Variants in RAP1A observed in about 807,000 individuals in gnomAD.
RAP1A encodes ras-related protein Rap-1A.
RAP1A carries 6 observed loss-of-function variants against 26.4 expected under a neutral mutation model. That is an observed-to-expected ratio of 0.23 (90% confidence interval 0.12 to 0.45). The LOEUF (loss-of-function observed/expected upper bound fraction) is 0.45, where lower values mean the gene tolerates loss of function less well. Ranked by LOEUF, RAP1A falls within the 20% of genes least tolerant of loss-of-function variation. RAP1A has a pLI of 0.99. For synonymous variants in RAP1A, 73 were observed against 79.4 expected (o/e 0.92, Z 0.43); for missense variants, 121 against 217.2 (o/e 0.56, Z 2.78).
intron 1 of RAP1A, among the ~76,000 whole-genome samples, chr1:111,688,124 C>G (rs1338622222): frequency 6.8e-6 from 1 of 146,564 alleles, no homozygotes; most frequent in African/African-American, 2.5e-5. Context: ...CTGCCCCCAC[C>G]AGGAGGATAA....
intron 1 of RAP1A, among the ~76,000 whole-genome samples, chr1:111,637,797 A>G (rs1659769900): frequency 6.6e-6 from 1 of 152,106 alleles, no homozygotes; most frequent in Non-Finnish European, 1.5e-5. Context: ...ATTTGCCATC[A>G]TTTGTTTAAA....
At chr1:111,672,911 C>T (rs190435991) in intron 1 of RAP1A, among the ~76,000 whole-genome samples, 445 of 152,220 alleles carry the variant, frequency 2.9e-3, no homozygotes, top group African/African-American at 0.01. Context: ...TCTGATGATT[C>T]CTAACTTTTC....
chr1:111,661,362 A>G (rs572761052), intron 1 of RAP1A, among the ~76,000 whole-genome samples: 1 of 152,286 alleles, frequency 6.6e-6, no homozygotes, highest in East Asian at 1.9e-4. Context: ...ATGAGAGGCT[A>G]TTATAGGGAT....
chr1:111,548,451 G>T (rs1426604477), intron 1 of RAP1A, among the ~76,000 whole-genome samples: 1 of 152,158 alleles, frequency 6.6e-6, no homozygotes, highest in African/African-American at 2.4e-5. Flanking sequence ...GACTCTGCTT[G>T]TTTAAAATTT....
intron 6 of RAP1A, 100 bp from the exon 7 acceptor site, chr1:111,709,049 A>T (rs1420851887): frequency 1.4e-6 from 2 of 1,383,476 alleles, no homozygotes; most frequent in African/African-American, 3.0e-5. Flanking sequence ...AAGAAGCAGA[A>T]TGCAGATCTA....
At chr1:111,674,776 T>A (rs1392712945) in intron 1 of RAP1A, among the ~76,000 whole-genome samples, 3 of 152,150 alleles carry the variant, frequency 2.0e-5, no homozygotes, top group African/African-American at 7.2e-5. Flanking sequence ...TCCTGTCAGT[T>A]TTATCCTCAG....
chr1:111,612,422 T>G (rs1370731431), intron 1 of RAP1A, among the ~76,000 whole-genome samples: 2 of 124,150 alleles, frequency 1.6e-5, no homozygotes, highest in Non-Finnish European at 3.3e-5. Flanking sequence ...ATATAAAGTC[T>G]GTTGAATAAA....
At position 111,619,974 on chromosome 1, in the gene RAP1A, A is replaced by T. The variant is rs985910227; in HGVS notation, c.-28+40A>T. On this transcript the variant is annotated intron_variant, in intron 1 of 7. Coordinates refer to ENST00000369709, the MANE Select transcript of RAP1A (RefSeq NM_002884.4). ...GGGAGCTCCAGACGGCCCCAGAGGG[A>T]GCGGGGGGCGCGGGTCGGCCGAGCC... 1,349 of 395,784 alleles carry T rather than the reference A, an allele frequency of 3.4e-3. 25 individuals carry two copies. The highest frequency in any genetic ancestry group is 7.2e-4 in the Non-Finnish European group (162 of 224,672). 24.5% of individuals were successfully genotyped at this position (395,784 alleles called of 1,614,324 possible).
Position 111,709,163 on chromosome 1 carries a change from G to A in RAP1A, c.483G>A (p.Leu161=), listed in dbSNP as rs1164137620. The change falls in exon 7 of 8, where the codon CTG becomes CTA. Residue 161 remains leucine, a synonymous_variant. Coordinates refer to ENST00000369709, the MANE Select transcript of RAP1A (RefSeq NM_002884.4). The part of the protein sequence containing the change: ...KINVNEIFYD[L]VRQINRKTPV... ...TTTTTACTTAGATATTTTATGACCT[G>A]GTCAGACAGATAAATAGGAAAACAC... The A allele has an allele frequency of 6.2e-7, 1 of 1,612,750 alleles. No homozygotes were observed. Among genetic ancestry groups the A allele is most frequent in the East Asian group, 2.2e-5 (1 of 44,780 alleles).
intron 1 of RAP1A, among the ~76,000 whole-genome samples, chr1:111,627,104 C>G (rs1246152269): frequency 2.7e-5 from 4 of 150,938 alleles, no homozygotes; most frequent in Admixed American, 6.6e-5. Flanking sequence ...ATTTTTTTTT[C>G]TGTTTAAAGT....
intron 1 of RAP1A, among the ~76,000 whole-genome samples, chr1:111,632,491 C>T (rs1006747102): frequency 2.0e-5 from 3 of 151,992 alleles, no homozygotes; most frequent in Non-Finnish European, 4.4e-5. Context: ...GGGAATAACA[C>T]ATGGAAGTTG....
intron 1 of RAP1A, among the ~76,000 whole-genome samples, chr1:111,652,737 T>C (rs927184427): frequency 3.5e-4 from 53 of 152,214 alleles, no homozygotes; most frequent in Non-Finnish European, 6.2e-4. Context: ...GGCCAGGATG[T>C]AGAGAGATTG....
At chr1:111,597,586 G>T (rs1470326905) in intron 1 of RAP1A, among the ~76,000 whole-genome samples, 1 of 152,170 alleles carries the variant, frequency 6.6e-6, no homozygotes, top group Non-Finnish European at 1.5e-5. Flanking sequence ...AAGAAAAAGC[G>T]ATATTTAAAA....
intron 3 of RAP1A, among the ~76,000 whole-genome samples, chr1:111,696,238 A>T (rs1262836255): frequency 6.6e-6 from 1 of 152,222 alleles, no homozygotes; most frequent in East Asian, 1.9e-4. Flanking sequence ...GCTAGTAGCC[A>T]AGAATATTTT....
At chr1:111,636,206 G>A (rs1004744382) in intron 1 of RAP1A, among the ~76,000 whole-genome samples, 1 of 152,034 alleles carries the variant, frequency 6.6e-6, no homozygotes, top group Non-Finnish European at 1.5e-5. Flanking sequence ...CAACAGTGAC[G>A]TGACTTTTGT....
At chr1:111,573,084 C>T (rs1380188098) in intron 1 of RAP1A, among the ~76,000 whole-genome samples, 2 of 152,190 alleles carry the variant, frequency 1.3e-5, no homozygotes, top group Non-Finnish European at 2.9e-5. Flanking sequence ...TGATCTCATT[C>T]TTTATTATGG....
intron 1 of RAP1A, among the ~76,000 whole-genome samples, chr1:111,590,764 A>T (rs1658457013): frequency 6.6e-6 from 1 of 152,120 alleles, no homozygotes; most frequent in Admixed American, 6.6e-5. Flanking sequence ...GCCCAAAGGG[A>T]TCACAAATAT....
intron 1 of RAP1A, among the ~76,000 whole-genome samples, chr1:111,576,842 G>A (rs755524695): frequency 3.3e-5 from 5 of 152,172 alleles, no homozygotes; most frequent in Admixed American, 3.3e-4. Context: ...TTTAGGAAGC[G>A]GGAGTATGGA....
At chr1:111,613,926 TTCTC>T (rs1406247331) in intron 1 of RAP1A, among the ~76,000 whole-genome samples, 1 of 152,210 alleles carries the variant, frequency 6.6e-6, no homozygotes, top group South Asian at 2.1e-4. Flanking sequence ...CTCGCTTATA[TTCTC>T]TCTCTCTACG....
Sources: allele counts gnomAD v4.1 joint callset (sites outside exome capture counted in the v4.1 genomes callset), GRCh38; gene constraint gnomAD v4.1.1; transcripts MANE v1.5; gene names NCBI Gene and HGNC (gene_info 2026-07-23, HGNC 2026-07-21).